Variants in SOX5 observed in about 807,000 individuals in gnomAD.
SOX5 encodes transcription factor SOX-5.
SOX5 carries 9 observed loss-of-function variants against 92.0 expected under a neutral mutation model. The ratio of observed to expected loss-of-function variants is 0.10; its 90% CI spans 0.06 to 0.17. The LOEUF (loss-of-function observed/expected upper bound fraction) is 0.17, where lower values mean the gene tolerates loss of function less well. SOX5 is among the 10% of genes least tolerant of loss of function. The probability of loss-of-function intolerance (pLI) is 1.00; values close to 1 mark genes in which losing one functional copy is unlikely to be tolerated. For synonymous variants in SOX5, 344 were observed against 336.3 expected, an observed-to-expected ratio of 1.02 and a Z score of -0.25; for missense variants, 642 against 944.5, an observed-to-expected ratio of 0.68 and a Z score of 4.20.
In SOX5 at chr12:24,328,859, A is replaced by G. The variant is rs182413409; in HGVS notation, c.-174+39704T>C. Among the ~76,000 whole-genome samples the G allele has an allele frequency of 2.6e-5, 4 of 152,326 alleles. No homozygotes were observed. The East Asian group carries it at 7.7e-4, about 29-fold the overall frequency. ...CCCTTCATTTGGTCTAAAACCTTAA[A>G]CCAGAATTTCAAATTAACGTTATTG... is the stretch of plus-strand genomic sequence containing the variant. On this transcript the variant is annotated intron_variant, in intron 2 of 4. Transcript: ENST00000446891.
At chr12:23,829,238 T>A (rs1045691789) in intron 3 of SOX5, among the ~76,000 whole-genome samples, 2 of 152,188 alleles carry the variant, frequency 1.3e-5, no homozygotes, top group African/African-American at 4.8e-5. Flanking sequence ...GGAGGTCTGA[T>A]TAATTTTAAT....
intron 2 of SOX5, among the ~76,000 whole-genome samples, chr12:24,277,468 T>A (rs1220521933): frequency 1.6e-5 from 1 of 61,722 alleles, no homozygotes; most frequent in Non-Finnish European, 5.1e-5. Context: ...AAATTTACAT[T>A]TAAATATATA....
At chr12:23,886,989 A>G (rs1184336999) in intron 2 of SOX5, among the ~76,000 whole-genome samples, 1 of 152,192 alleles carries the variant, frequency 6.6e-6, no homozygotes, top group Non-Finnish European at 1.5e-5. Flanking sequence ...ATCATTTATT[A>G]TCAACACTGG....
At chr12:23,897,958 T>A (rs1370626823) in intron 1 of SOX5, among the ~76,000 whole-genome samples, 1 of 152,142 alleles carries the variant, frequency 6.6e-6, no homozygotes, top group Non-Finnish European at 1.5e-5. Flanking sequence ...ACTCTAAGTA[T>A]GGAGAAGCAT....
At chr12:24,491,509 A>G (rs968993590) in intron 1 of SOX5, among the ~76,000 whole-genome samples, 1 of 152,194 alleles carries the variant, frequency 6.6e-6, no homozygotes, top group Non-Finnish European at 1.5e-5. Context: ...TAAATTATGG[A>G]TTTCAAATGT....
At chr12:24,124,115 G>C (rs1948881879) in intron 4 of SOX5, among the ~76,000 whole-genome samples, 1 of 152,004 alleles carries the variant, frequency 6.6e-6, no homozygotes, top group Non-Finnish European at 1.5e-5. Context: ...TTTTAATTAA[G>C]AATTTTAAAA....
intron 4 of SOX5, among the ~76,000 whole-genome samples, chr12:24,038,579 C>T (rs530185962): frequency 3.2e-4 from 48 of 151,964 alleles, no homozygotes; most frequent in African/African-American, 1.1e-3. Context: ...CTTAGCTTAG[C>T]ATTTTTTTTT....
intron 3 of SOX5, among the ~76,000 whole-genome samples, chr12:23,786,789 A>G (rs1378849889): frequency 6.8e-6 from 1 of 146,066 alleles, no homozygotes; most frequent in Non-Finnish European, 1.5e-5. Context: ...TTTGACTTGT[A>G]TCAGCTAGGC....
chr12:23,790,518 ACTCTCTCT>A (rs1555343712), intron 3 of SOX5, among the ~76,000 whole-genome samples: 3 of 80,124 alleles, frequency 3.7e-5, no homozygotes, highest in Non-Finnish European at 7.8e-5. Flanking sequence ...ACCTCTCACA[ACTCTCTCT>A]CTCTCTCTCT....
intron 3 of SOX5, among the ~76,000 whole-genome samples, chr12:23,820,510 C>T (rs1419473688): frequency 2.0e-5 from 3 of 152,168 alleles, no homozygotes. Flanking sequence ...TGCCTATGTC[C>T]TGAATTGTAT....
chr12:24,150,126 G>A (rs937496420), intron 4 of SOX5, among the ~76,000 whole-genome samples: 7 of 152,192 alleles, frequency 4.6e-5, no homozygotes, highest in African/African-American at 1.7e-4. Context: ...TCGAATATGT[G>A]CAGTTCATTA....
At chr12:24,080,257 C>T (rs1374016184) in intron 4 of SOX5, among the ~76,000 whole-genome samples, 1 of 151,858 alleles carries the variant, frequency 6.6e-6, no homozygotes, top group East Asian at 1.9e-4. Context: ...AACTACATGA[C>T]ACAAAAACAT....
intron 4 of SOX5, among the ~76,000 whole-genome samples, chr12:23,969,203 G>C (rs568424424): frequency 6.6e-6 from 1 of 152,086 alleles, no homozygotes; most frequent in East Asian, 1.9e-4. Flanking sequence ...AGCATATCTC[G>C]AATCATGTAA....
At chr12:23,664,021 C>A (rs2083431346) in intron 7 of SOX5, among the ~76,000 whole-genome samples, 1 of 152,080 alleles carries the variant, frequency 6.6e-6, no homozygotes, top group Non-Finnish European at 1.5e-5. Flanking sequence ...AAGAGCAAAG[C>A]ACCACACATA....
At chr12:24,197,938 ACACT>A (rs1312884814) in intron 4 of SOX5, among the ~76,000 whole-genome samples, 1 of 152,070 alleles carries the variant, frequency 6.6e-6, no homozygotes, top group Non-Finnish European at 1.5e-5. Flanking sequence ...TCTTAGACAC[ACACT>A]CTCTTTCTCT....
At chr12:23,955,418 T>A (rs368234148), upstream of SOX5, among the ~76,000 whole-genome samples, 1 of 152,170 alleles carries the variant, frequency 6.6e-6, no homozygotes, top group East Asian at 1.9e-4. Flanking sequence ...TTTTTAAGAA[T>A]AATTTCTAAA....
intron 2 of SOX5, among the ~76,000 whole-genome samples, chr12:24,311,493 T>C (rs1309633213): frequency 6.6e-6 from 1 of 152,190 alleles, no homozygotes; most frequent in Non-Finnish European, 1.5e-5. Flanking sequence ...ATTTTGGGGA[T>C]TGTGGGATAT....
At position 24,034,416 on chromosome 12, in the gene SOX5, T is replaced by TGAGTTACAATTAGTTCCGACTG. The variant is rs1366900133; in HGVS notation, c.-1-138414_-1-138393dup. ...TAGTGCTAATGAAGACTTTCCTGAG[T>TGAGTTACAATTAGTTCCGACTG]GAGTTACAATTAGTTCCGACTGCCG... On this transcript the variant is annotated intron_variant, in intron 4 of 4. Transcript: ENST00000446891. Among the ~76,000 whole-genome samples, 496 of 152,034 alleles carry TGAGTTACAATTAGTTCCGACTG rather than the reference T, an allele frequency of 3.3e-3. 5 individuals carry two copies. The highest frequency in any genetic ancestry group is 5.4e-3 in the Non-Finnish European group (368 of 67,922).
At chr12:23,758,837 C>T (rs977115620) in intron 3 of SOX5, among the ~76,000 whole-genome samples, 16 of 151,920 alleles carry the variant, frequency 1.1e-4, no homozygotes, top group Non-Finnish European at 2.2e-4. Flanking sequence ...ATCTGTCTCT[C>T]GTGTGTGCAC....
Sources: allele counts gnomAD v4.1 joint callset (sites outside exome capture counted in the v4.1 genomes callset), GRCh38; gene constraint gnomAD v4.1.1; transcripts MANE v1.5; gene names NCBI Gene and HGNC (gene_info 2026-07-23, HGNC 2026-07-21).